The following DPH6 variants were observed in gnomAD, a reference collection of about 807,000 sequenced individuals.
DPH6 encodes the protein diphthamine biosynthesis 6, also known as diphthine--ammonia ligase.
A neutral mutation model predicts 38.2 loss-of-function variants in DPH6; 33 were observed. That is an observed-to-expected ratio of 0.86 (90% CI 0.65 to 1.15). DPH6 has a LOEUF of 1.15. DPH6 is among the 50% of genes most tolerant of loss of function. The pLI is 0.00. For missense variants in DPH6, 325 were observed against 320.0 expected (o/e 1.02, Z -0.12); for synonymous variants, 108 against 103.0 (o/e 1.05, Z -0.30).
At chr15:35,352,990 G>T (rs757123820) in intron 3 of DPH6, among the ~76,000 whole-genome samples, 42 of 152,162 alleles carry the variant, frequency 2.8e-4, no homozygotes, top group Non-Finnish European at 5.0e-4. Flanking sequence ...GTGTGAGATG[G>T]TATCTCATTG....
In DPH6 at chr15:35,330,884, T is replaced by A. The variant is rs183354857; in HGVS notation, n.401A>T. The A allele has an allele frequency of 2.3e-4, 35 of 152,280 alleles. 1 individual carries two copies. In the East Asian group the frequency reaches 6.7e-3, roughly 29 times the overall value. The allele number at this position is 152,280 out of a possible 1,614,324, so 9.4% of individuals were successfully genotyped here. A position where few individuals can be genotyped will look rare whatever the true frequency, so the allele number is the denominator to read the frequency against. On this transcript the variant is annotated non_coding_transcript_exon_variant, in exon 4 of 4. Coordinates refer to the DPH6 transcript ENST00000558973. Reference sequence around the variant, plus strand: ...AGTAAAGAAAAATAAATAAACCTGTTAATTTATTTTCTGTTTTAAAAAGCA... The same window carrying A: ...AGTAAAGAAAAATAAATAAACCTGTAAATTTATTTTCTGTTTTAAAAAGCA...
chr15:35,521,350 A>G, intron 3 of DPH6: 7 of 1,019,310 alleles, frequency 6.9e-6, no homozygotes, highest in Non-Finnish European at 8.2e-6. Context: ...TGAATGTACA[A>G]TCCTATGAAC....
chr15:35,200,192 T>G, the DPH6 span, among the ~76,000 whole-genome samples: 4 of 152,076 alleles, frequency 2.6e-5, no homozygotes, highest in Non-Finnish European at 5.9e-5. Context: ...TTTGGAACAA[T>G]ACGTGGTGTT....
intron 3 of DPH6, among the ~76,000 whole-genome samples, chr15:35,288,648 C>T (rs2051959398): frequency 6.6e-6 from 1 of 152,152 alleles, no homozygotes; most frequent in Non-Finnish European, 1.5e-5. Context: ...ACATGACATG[C>T]TCCAAGATGC....
chr15:35,385,260 A>G (rs2052934476), intron 6 of DPH6, among the ~76,000 whole-genome samples: 1 of 152,226 alleles, frequency 6.6e-6, no homozygotes, highest in African/African-American at 2.4e-5. Context: ...CAGCCATCCC[A>G]TTACCAGATA....
chr15:35,414,907 C>T (rs2053416860), intron 5 of DPH6, among the ~76,000 whole-genome samples: 1 of 151,618 alleles, frequency 6.6e-6, no homozygotes, highest in Non-Finnish European at 1.5e-5. Flanking sequence ...CTTTTTTAAA[C>T]AAATAGATTT....
At chr15:35,358,888 GAGCATCAGCT>G (rs2052590434) in intron 3 of DPH6, among the ~76,000 whole-genome samples, 1 of 152,142 alleles carries the variant, frequency 6.6e-6, no homozygotes, top group Non-Finnish European at 1.5e-5. Flanking sequence ...ACTTTCCAGA[GAGCATCAGCT>G]GTGGTATTAT....
chr15:35,496,697 T>A (rs945218638), intron 3 of DPH6, among the ~76,000 whole-genome samples: 1 of 150,300 alleles, frequency 6.7e-6, no homozygotes, highest in East Asian at 2.0e-4. Flanking sequence ...TCAGTAAACA[T>A]GTGAAAAAAA....
At chr15:35,148,099 GT>G in the DPH6 span, among the ~76,000 whole-genome samples, 1 of 152,182 alleles carries the variant, frequency 6.6e-6, no homozygotes, top group Admixed American at 6.5e-5. Context: ...TAATGCAATT[GT>G]TTCAGAAGAA....
intron 3 of DPH6, among the ~76,000 whole-genome samples, chr15:35,332,852 A>C (rs1393854370): frequency 6.6e-6 from 1 of 152,014 alleles, no homozygotes; most frequent in East Asian, 1.9e-4. Flanking sequence ...ACTACAAAGC[A>C]ATAAAGGAGA....
chr15:35,197,463 A>G, the DPH6 span, among the ~76,000 whole-genome samples: 1 of 152,240 alleles, frequency 6.6e-6, no homozygotes, highest in Admixed American at 6.5e-5. Flanking sequence ...CAAAAGAGAA[A>G]AAAAAATCTG....
chr15:35,167,607 C>G, the DPH6 span, among the ~76,000 whole-genome samples: 1 of 148,706 alleles, frequency 6.7e-6, no homozygotes, highest in Non-Finnish European at 1.5e-5. Context: ...GTTGAAATAC[C>G]TGACCACCTG....
At chr15:35,248,404 G>A (rs2051649982) in intron 3 of DPH6, among the ~76,000 whole-genome samples, 1 of 152,194 alleles carries the variant, frequency 6.6e-6, no homozygotes, top group South Asian at 2.1e-4. Context: ...CCATTCCAGT[G>A]TGGGTCCTGC....
chr15:35,194,087 G>A, the DPH6 span, among the ~76,000 whole-genome samples: 1 of 152,074 alleles, frequency 6.6e-6, no homozygotes, highest in African/African-American at 2.4e-5. Context: ...AAGATGACAA[G>A]AAAACCTTGT....
intron 1 of DPH6, among the ~76,000 whole-genome samples, chr15:35,544,715 T>C (rs1595459790): frequency 1.3e-5 from 2 of 152,204 alleles, no homozygotes; most frequent in South Asian, 2.1e-4. Flanking sequence ...TTTTCCAACA[T>C]TGCTTTTTTA....
chr15:35,224,189 C>G (rs1456494820), intron 3 of DPH6, among the ~76,000 whole-genome samples: 2 of 149,168 alleles, frequency 1.3e-5, no homozygotes, highest in African/African-American at 2.5e-5. Flanking sequence ...TCACTGCAAC[C>G]TCCACCTCCT....
chr15:35,483,793 C>T (rs551346029), intron 3 of DPH6, among the ~76,000 whole-genome samples: 8 of 152,138 alleles, frequency 5.3e-5, no homozygotes, highest in Admixed American at 1.3e-4. Flanking sequence ...ATTCAATTTT[C>T]GATTAATTTG....
Position 35,539,155 on chromosome 15 carries a change from G to A in DPH6, c.119-688C>T, listed in dbSNP as rs146737447. On this transcript the variant is annotated intron_variant, in intron 2 of 8. Coordinates refer to ENST00000256538, the MANE Select transcript of DPH6 (RefSeq NM_080650.4). ...CAGATGAGTCACATCAGAGCTCTGG[G>A]TGATATAAATGAACTTAGAAATATA... Among the ~76,000 whole-genome samples the A allele has an allele frequency of 6.6e-5, 10 of 152,008 alleles. No individual in the cohort carries two copies. The East Asian group carries it at 1.4e-3, about 21-fold the overall frequency.
chr15:35,425,839 T>G (rs911578184), intron 5 of DPH6, among the ~76,000 whole-genome samples: 1 of 148,584 alleles, frequency 6.7e-6, no homozygotes, highest in Non-Finnish European at 1.5e-5. Context: ...ATCTCATATA[T>G]CCATATATAT....
Sources: gnomAD v4.1 joint callset for allele counts (sites outside exome capture counted in the v4.1 genomes callset) on GRCh38, gnomAD v4.1.1 for gene constraint, MANE v1.5 for transcripts, NCBI Gene and HGNC (gene_info 2026-07-23, HGNC 2026-07-21) for gene names.